The following ANXA4 variants were observed in gnomAD, a reference collection of about 807,000 sequenced individuals.
ANXA4 encodes the protein 35-beta calcimedin.
ANXA4 carries 39 observed loss-of-function variants against 49.8 expected under a neutral mutation model. That is an observed-to-expected ratio of 0.78 (90% confidence interval 0.61 to 1.02). The LOEUF is 1.02. Ranked by LOEUF, ANXA4 falls within the 50% of genes least tolerant of loss-of-function variation. The probability of loss-of-function intolerance (pLI) is 0.00; values close to 1 mark genes in which losing one functional copy is unlikely to be tolerated. For synonymous variants in ANXA4, 134 were observed against 152.5 expected, an observed-to-expected ratio of 0.88 and a Z score of 0.89; for missense variants, 360 against 410.1, an observed-to-expected ratio of 0.88 and a Z score of 1.05.
intron 1 of ANXA4, among the ~76,000 whole-genome samples, chr2:69,757,203 A>G (rs937720218): frequency 6.9e-6 from 1 of 144,692 alleles, no homozygotes; most frequent in Non-Finnish European, 1.5e-5. Flanking sequence ...TGCTGGGATT[A>G]CAGGTGTGAG....
chr2:69,715,305 GT>G (rs1242528530), intron 2 of ANXA4, among the ~76,000 whole-genome samples: 1 of 152,178 alleles, frequency 6.6e-6, no homozygotes, highest in Non-Finnish European at 1.5e-5. Flanking sequence ...CCCCTCCTGG[GT>G]TCAAGCGATT....
At chr2:69,725,794 CATTT>C (rs2105437197) in intron 3 of ANXA4, among the ~76,000 whole-genome samples, 1 of 152,296 alleles carries the variant, frequency 6.6e-6, no homozygotes, top group Admixed American at 6.5e-5. Flanking sequence ...ATCAAGTAAT[CATTT>C]ATTTTTAAGG....
Position 69,684,047 on chromosome 2 carries a change from T to C in ANXA4, n.766+30765T>C, listed in dbSNP as rs554067124. Among the ~76,000 whole-genome samples the C allele has an allele frequency of 2.6e-5, 4 of 152,368 alleles. No individual in the cohort carries two copies. The South Asian group carries it at 8.3e-4, about 32-fold the overall frequency. ...AAGTAAAATTAAAGAGAAAAGCTGC[T>C]AAATATACTGAATTATTTCATTTTT... is the stretch of plus-strand genomic sequence containing the variant. On this transcript the variant is annotated intron_variant and non_coding_transcript_variant, in intron 2 of 3. Transcript: ENST00000418066.
intron 2 of ANXA4, among the ~76,000 whole-genome samples, chr2:69,686,646 G>A (rs1215341545): frequency 1.3e-5 from 2 of 152,062 alleles, no homozygotes; most frequent in African/African-American, 2.4e-5. Context: ...TTGTAGAAAC[G>A]GGGTCTCACT....
At chr2:69,788,557 G>T (rs982824596) in intron 3 of ANXA4, among the ~76,000 whole-genome samples, 3 of 151,694 alleles carry the variant, frequency 2.0e-5, no homozygotes, top group Admixed American at 2.0e-4. Flanking sequence ...AAAGAAAGAG[G>T]CTGGGCACGG....
chr2:69,721,578 G>A (rs1172626930), intron 3 of ANXA4, among the ~76,000 whole-genome samples: 17 of 152,066 alleles, frequency 1.1e-4, no homozygotes, highest in Non-Finnish European at 4.4e-5. Flanking sequence ...GAACACGCCT[G>A]TAGTCCCATA....
At chr2:69,745,826 C>T (rs1307296427) in intron 1 of ANXA4, among the ~76,000 whole-genome samples, 16 of 151,982 alleles carry the variant, frequency 1.1e-4, no homozygotes, top group Non-Finnish European at 1.6e-4. Flanking sequence ...CCACCACGCC[C>T]GGCTGAGAAA....
At chr2:69,758,929 T>G (rs1157377123) in intron 1 of ANXA4, among the ~76,000 whole-genome samples, 2 of 152,058 alleles carry the variant, frequency 1.3e-5, no homozygotes, top group Non-Finnish European at 2.9e-5. Context: ...AGTCAGTAGT[T>G]CAAGACCCGT....
chr2:69,738,762 A>T (rs560480672), upstream of ANXA4, among the ~76,000 whole-genome samples: 10 of 151,986 alleles, frequency 6.6e-5, no homozygotes, highest in Admixed American at 3.9e-4. Flanking sequence ...TCTAGTTGAC[A>T]GTGCCAGTTG....
intron 2 of ANXA4, among the ~76,000 whole-genome samples, chr2:69,683,166 A>G (rs75774734): frequency 6.6e-6 from 1 of 152,252 alleles, no homozygotes; most frequent in Non-Finnish European, 1.5e-5. Context: ...ATAAACACAC[A>G]TATGTCAATA....
intron 1 of ANXA4, among the ~76,000 whole-genome samples, chr2:69,766,810 A>G (rs147758075): frequency 6.6e-6 from 1 of 152,260 alleles, no homozygotes; most frequent in African/African-American, 2.4e-5. Flanking sequence ...AGGCAAACCC[A>G]TCACTCGCCT....
At position 69,804,612 on chromosome 2, in the gene ANXA4, G is replaced by C. The variant is rs768030627; in HGVS notation, c.177G>C (p.Lys59Asn). 5 of 1,613,344 alleles carry C rather than the reference G, an allele frequency of 3.1e-6. No homozygotes were observed. The East Asian group carries it at 8.9e-5, about 29-fold the overall frequency. Residue 59 changes from lysine (K) to asparagine (N), a missense_variant, in exon 4 of 13, where the codon AAG becomes AAC. Transcript: ENST00000394295. ...GCCAGGAGATCAGGACAGCCTACAA[G>C]AGCACCATCGGCAGGGTAGGCCACA... The part of the protein sequence containing the change: ...AQRQEIRTAY[K>N]STIGRDLIDD...
chr2:69,800,820 C>T (rs1037995923), intron 3 of ANXA4, among the ~76,000 whole-genome samples: 24 of 152,070 alleles, frequency 1.6e-4, no homozygotes, highest in Non-Finnish European at 2.1e-4. Context: ...TGTTGTCTCA[C>T]GGCCACAGAT....
intron 3 of ANXA4, among the ~76,000 whole-genome samples, chr2:69,723,429 G>C (rs1357273171): frequency 2.6e-5 from 4 of 152,138 alleles, no homozygotes; most frequent in African/African-American, 9.7e-5. Context: ...GAGGAGAGCA[G>C]GCATTTTCTA....
At chr2:69,699,520 G>A (rs60293161) in intron 2 of ANXA4, among the ~76,000 whole-genome samples, 259 of 152,186 alleles carry the variant, frequency 1.7e-3, no homozygotes, top group African/African-American at 5.9e-3. Flanking sequence ...GTGTGAACCC[G>A]TAGTCTCAGC....
intron 3 of ANXA4, among the ~76,000 whole-genome samples, chr2:69,729,917 AACAG>A (rs1194915897): frequency 6.6e-6 from 1 of 152,230 alleles, no homozygotes; most frequent in Non-Finnish European, 1.5e-5. Flanking sequence ...ATATTTGCAT[AACAG>A]ACAGTCTTGG....
In ANXA4 at chr2:69,825,519, A is replaced by T. The variant is rs1451352535; in HGVS notation, c.*4A>T. ...TCTCTGTGGAGGAGATGATTAAAAT[A>T]AAAATCCCAGAAGGACAGGAGGATT... On this transcript the variant is annotated 3_prime_UTR_variant, in exon 13 of 13. Coordinates refer to ENST00000394295, the MANE Select transcript of ANXA4 (RefSeq NM_001153.5). The T allele has an allele frequency of 1.9e-6, 3 of 1,606,584 alleles. No homozygotes were observed. The South Asian group carries it at 3.3e-5, about 18-fold the overall frequency.
chr2:69,715,626 T>C (rs1678856438), intron 2 of ANXA4, among the ~76,000 whole-genome samples: 1 of 152,232 alleles, frequency 6.6e-6, no homozygotes, highest in Non-Finnish European at 1.5e-5. Flanking sequence ...CCTAAAACAT[T>C]GTACAGATGC....
At chr2:69,769,943 G>A (rs975563006) in intron 1 of ANXA4, among the ~76,000 whole-genome samples, 2 of 152,198 alleles carry the variant, frequency 1.3e-5, no homozygotes, top group Admixed American at 1.3e-4. Context: ...GTTTACAGGT[G>A]TGAGCCACTG....
Sources: allele counts gnomAD v4.1 joint callset (sites outside exome capture counted in the v4.1 genomes callset), GRCh38; gene constraint gnomAD v4.1.1; transcripts MANE v1.5; gene names NCBI Gene and HGNC (gene_info 2026-07-23, HGNC 2026-07-21).